The following FAF1 variants were observed in gnomAD, a reference collection of about 807,000 sequenced individuals.
FAF1 encodes the protein FAS-associated factor 1.
Under a neutral mutation model 92.5 loss-of-function variants are expected in FAF1, and 25 were observed. The observed-to-expected ratio is 0.27, with a 90% CI of 0.20 to 0.38. The LOEUF is 0.38. FAF1 is among the 10% of genes least tolerant of loss of function. FAF1 has a pLI of 1.00. For missense variants in FAF1, 636 were observed against 793.3 expected (o/e 0.80, Z 2.38); for synonymous variants, 234 against 273.2 (o/e 0.86, Z 1.42).
At chr1:50,596,876 C>G (rs1182569502) in intron 8 of FAF1, among the ~76,000 whole-genome samples, 3 of 152,140 alleles carry the variant, frequency 2.0e-5, no homozygotes, top group Non-Finnish European at 4.4e-5. Flanking sequence ...ATTCCTAGAG[C>G]TCTGTATAAT....
chr1:50,760,494 AC>A (rs1297475121), intron 4 of FAF1, among the ~76,000 whole-genome samples: 46 of 152,340 alleles, frequency 3.0e-4, no homozygotes, highest in Non-Finnish European at 5.7e-4. Flanking sequence ...TGTCTCTCAG[AC>A]CACGGTGCAA....
At chr1:50,837,926 G>C (rs1209426049) in intron 2 of FAF1, among the ~76,000 whole-genome samples, 1 of 151,902 alleles carries the variant, frequency 6.6e-6, no homozygotes, top group Non-Finnish European at 1.5e-5. Context: ...TGTATTTTTA[G>C]CAGAGACGGG....
At chr1:50,823,578 G>T (rs944689984) in intron 2 of FAF1, among the ~76,000 whole-genome samples, 2 of 151,758 alleles carry the variant, frequency 1.3e-5, no homozygotes, top group Non-Finnish European at 2.9e-5. Context: ...TGAACATAAG[G>T]TAAAGTTCTT....
intron 8 of FAF1, among the ~76,000 whole-genome samples, chr1:50,638,398 T>C (rs1654158948): frequency 1.3e-5 from 2 of 152,094 alleles, no homozygotes; most frequent in African/African-American, 4.8e-5. Context: ...AGAGTGAAAG[T>C]ATTCCCCCAT....
chr1:50,882,812 C>T (rs1644624696), intron 1 of FAF1, among the ~76,000 whole-genome samples: 1 of 151,456 alleles, frequency 6.6e-6, no homozygotes, highest in Admixed American at 6.6e-5. Flanking sequence ...ATGGTGAAAC[C>T]CCATCTCTAC....
intron 15 of FAF1, among the ~76,000 whole-genome samples, chr1:50,511,427 G>A (rs1647132722): frequency 6.6e-6 from 1 of 151,702 alleles, no homozygotes; most frequent in Admixed American, 6.6e-5. Flanking sequence ...GCCCCGGTGT[G>A]TGATATTCCC....
intron 13 of FAF1, among the ~76,000 whole-genome samples, chr1:50,552,890 G>A (rs1365347499): frequency 6.6e-6 from 1 of 152,128 alleles, no homozygotes; most frequent in African/African-American, 2.4e-5. Context: ...ATTATTGTGT[G>A]CTTATTTGAA....
intron 8 of FAF1, among the ~76,000 whole-genome samples, chr1:50,642,466 C>G (rs896054703): frequency 6.6e-6 from 1 of 151,628 alleles, no homozygotes; most frequent in Non-Finnish European, 1.5e-5. Flanking sequence ...TTGGCCAATA[C>G]GGTGAAACCC....
chr1:50,855,915 C>T (rs2124663681), intron 2 of FAF1, among the ~76,000 whole-genome samples: 1 of 151,820 alleles, frequency 6.6e-6, no homozygotes. Flanking sequence ...GTGTTTTAAC[C>T]CCAAGTGTTG....
At position 50,724,296 on chromosome 1, in the gene FAF1, T is replaced by TACACACACACAC. The variant is rs974347882; in HGVS notation, c.551+14555_551+14566dup. Among the ~76,000 whole-genome samples, 300 of 117,184 alleles carry TACACACACACAC rather than the reference T, an allele frequency of 2.6e-3. 1 individual carries two copies. Among genetic ancestry groups the TACACACACACAC allele is most frequent in the African/African-American group, 9.0e-3 (288 of 31,900 alleles). The allele number at this position is 117,184 out of a possible 152,430, so 76.9% of individuals were successfully genotyped here. A position where few individuals can be genotyped will look rare whatever the true frequency, so the allele number is the denominator to read the frequency against. On this transcript the variant is annotated intron_variant, in intron 6 of 18. Coordinates refer to ENST00000396153, the MANE Select transcript of FAF1 (RefSeq NM_007051.3). ...ACATATACACACACACACACACACA[T>TACACACACACAC]ACACACACACACACACACACACACA...
At chr1:50,539,755 G>C (rs1262481282) in intron 13 of FAF1, 27 bp from the exon 14 acceptor site, 2 of 1,575,496 alleles carry the variant, frequency 1.3e-6, no homozygotes, top group Admixed American at 1.7e-5. Context: ...TACAAAGTAA[G>C]TTTTGCTTTG....
chr1:50,530,507 G>A (rs2149035092), intron 15 of FAF1, among the ~76,000 whole-genome samples: 1 of 151,712 alleles, frequency 6.6e-6, no homozygotes. Flanking sequence ...GGGTGGTGGG[G>A]GGAGGTGGGG....
chr1:50,717,983 A>G (rs1489760999), intron 6 of FAF1, among the ~76,000 whole-genome samples: 3 of 147,946 alleles, frequency 2.0e-5, no homozygotes, highest in Admixed American at 6.9e-5. Context: ...TCAAAAATAC[A>G]ATCCTTTATT....
At chr1:50,455,673 G>C (rs1646342318) in intron 18 of FAF1, among the ~76,000 whole-genome samples, 1 of 152,080 alleles carries the variant, frequency 6.6e-6, no homozygotes, top group South Asian at 2.1e-4. Flanking sequence ...TCATATTTTA[G>C]ATAAAGAAAA....
chr1:50,913,354 A>G (rs1644899424), intron 1 of FAF1, among the ~76,000 whole-genome samples: 1 of 152,254 alleles, frequency 6.6e-6, no homozygotes, highest in Non-Finnish European at 1.5e-5. Context: ...TCCGTACAAG[A>G]GAAGGTACAC....
At chr1:50,604,946 CCTGA>C (rs772086318) in intron 8 of FAF1, among the ~76,000 whole-genome samples, 7 of 152,042 alleles carry the variant, frequency 4.6e-5, no homozygotes, top group African/African-American at 9.7e-5. Flanking sequence ...TTTAAATGCT[CCTGA>C]CTTACTTTTT....
chr1:50,903,746 A>AT (rs1405602065), intron 1 of FAF1, among the ~76,000 whole-genome samples: 2 of 152,170 alleles, frequency 1.3e-5, no homozygotes, highest in African/African-American at 2.4e-5. Flanking sequence ...AACAGATACT[A>AT]ATTAGCAAAG....
rs185081587 is a variant in FAF1, at chr1:50,541,477, G to A, written c.1269-1749C>T. Among the ~76,000 whole-genome samples the A allele has an allele frequency of 1.7e-3, 261 of 152,150 alleles. 2 individuals carry two copies. Among genetic ancestry groups the A allele is most frequent in the Non-Finnish European group, 1.9e-3 (132 of 67,982 alleles). On this transcript the variant is annotated intron_variant, in intron 13 of 18. Transcript: ENST00000396153. The stretch of plus-strand genomic sequence containing the variant: ...ACTCATCGATAGGGATGTATAGATC[G>A]TGAGATTAGAAAATTAGGATCTTTT...
At position 50,819,730 on chromosome 1, in the gene FAF1, CATATATATACAT is replaced by C. The variant is rs758976701; in HGVS notation, c.115-18065_115-18054del. Reference sequence around the variant, plus strand: ...ATATATATATACGTATATATATATACATATATATACATATATATATACATATATATATACGTA... The same window carrying C: ...ATATATATATACGTATATATATATACATATATATACATATATATATACGTA... On this transcript the variant is annotated intron_variant, in intron 2 of 18. Transcript: ENST00000396153. Among the ~76,000 whole-genome samples, 239 of 35,886 alleles carry C rather than the reference CATATATATACAT, an allele frequency of 6.7e-3. 22 individuals carry two copies. Among genetic ancestry groups the C allele is most frequent in the Middle Eastern group, 0.024 (2 of 84 alleles). 23.5% of individuals were successfully genotyped at this position (35,886 alleles called of 152,430 possible).
Sources: gnomAD v4.1 joint callset for allele counts (sites outside exome capture counted in the v4.1 genomes callset) on GRCh38, gnomAD v4.1.1 for gene constraint, MANE v1.5 for transcripts, NCBI Gene and HGNC (gene_info 2026-07-23, HGNC 2026-07-21) for gene names.